Variants in TOM1L2 observed in about 807,000 individuals in gnomAD.
TOM1L2 encodes the protein target of myb1 like 2 membrane trafficking protein.
Under a neutral mutation model 67.9 loss-of-function variants are expected in TOM1L2, and 31 were observed. That is an observed-to-expected ratio of 0.46 (90% CI 0.34 to 0.62). The LOEUF is 0.62. Ranked by LOEUF, TOM1L2 falls within the 20% of genes least tolerant of loss-of-function variation. TOM1L2 has a pLI of 0.01. For missense variants in TOM1L2, 606 were observed against 663.5 expected (o/e 0.91, Z 0.95); for synonymous variants, 256 against 254.0 (o/e 1.01, Z -0.07).
chr17:17,900,814 G>C (rs1178581578), intron 2 of TOM1L2, among the ~76,000 whole-genome samples: 7 of 152,220 alleles, frequency 4.6e-5, no homozygotes, highest in African/African-American at 1.7e-4. Flanking sequence ...AAGGCTGTTT[G>C]TGGCATGAGA....
intron 12 of TOM1L2, chr17:17,857,916 A>G (rs2036334455): frequency 1.4e-6 from 2 of 1,440,374 alleles, no homozygotes; most frequent in Non-Finnish European, 1.9e-6. Context: ...ATATTGTGGA[A>G]ACAGAAAAGT....
At chr17:17,903,612 CAAAAAAA>C (rs111261278) in intron 2 of TOM1L2, among the ~76,000 whole-genome samples, 1 of 73,594 alleles carries the variant, frequency 1.4e-5, no homozygotes, top group East Asian at 4.8e-4. Flanking sequence ...GACTCCATCT[CAAAAAAA>C]AAAAAAAAAA....
At chr17:17,879,391 G>A (rs1426926779) in intron 7 of TOM1L2, among the ~76,000 whole-genome samples, 1 of 143,532 alleles carries the variant, frequency 7.0e-6, no homozygotes, top group African/African-American at 2.6e-5. Flanking sequence ...TTCTACAACT[G>A]GCATTTTATA....
intron 2 of TOM1L2, among the ~76,000 whole-genome samples, chr17:17,902,436 G>A (rs1025848042): frequency 2.6e-5 from 4 of 152,206 alleles, no homozygotes; most frequent in Non-Finnish European, 4.4e-5. Flanking sequence ...CAGTGGCTGC[G>A]GCCAGGTGAG....
chr17:17,850,393 G>A (rs2035892709), intron 13 of TOM1L2, among the ~76,000 whole-genome samples: 2 of 151,928 alleles, frequency 1.3e-5, no homozygotes, highest in Admixed American at 1.3e-4. Flanking sequence ...TTTGGGGCAG[G>A]GGTTCTTTTA....
intron 1 of TOM1L2, among the ~76,000 whole-genome samples, chr17:17,944,613 A>G (rs1014577911): frequency 6.6e-6 from 1 of 152,182 alleles, no homozygotes; most frequent in African/African-American, 2.4e-5. Context: ...ATTCTCCCCA[A>G]AGCACCAGGC....
chr17:17,908,489 C>T (rs192325904), intron 1 of TOM1L2, among the ~76,000 whole-genome samples: 1 of 152,232 alleles, frequency 6.6e-6, no homozygotes, highest in Non-Finnish European at 1.5e-5. Flanking sequence ...TCAAAGGACA[C>T]AACACAGTGA....
chr17:17,850,509 C>A (rs1427907677), intron 13 of TOM1L2, among the ~76,000 whole-genome samples: 30 of 149,482 alleles, frequency 2.0e-4, no homozygotes, highest in South Asian at 8.4e-4. Context: ...CAAAACAAAA[C>A]AAAACAAAAA....
At chr17:17,926,034 A>G (rs1377797349) in intron 1 of TOM1L2, among the ~76,000 whole-genome samples, 2 of 151,892 alleles carry the variant, frequency 1.3e-5, no homozygotes, top group Non-Finnish European at 2.9e-5. Flanking sequence ...AGCAGGGCTC[A>G]GTGGCACGCA....
chr17:17,910,552 TG>T (rs1190013780), intron 1 of TOM1L2, among the ~76,000 whole-genome samples: 1 of 151,908 alleles, frequency 6.6e-6, no homozygotes, highest in African/African-American at 2.4e-5. Context: ...TGGGATTCAG[TG>T]ATTATTACTA....
chr17:17,865,367 C>T (rs1157544119), intron 10 of TOM1L2, among the ~76,000 whole-genome samples: 2 of 152,148 alleles, frequency 1.3e-5, no homozygotes, highest in African/African-American at 2.4e-5. Flanking sequence ...ACCTATCTGC[C>T]CTCCTTGACC....
chr17:17,926,415 A>AG (rs971563025), intron 1 of TOM1L2, among the ~76,000 whole-genome samples: 52 of 152,160 alleles, frequency 3.4e-4, no homozygotes, highest in Non-Finnish European at 5.9e-5. Context: ...GACTGGCACA[A>AG]GGGGAGATGC....
intron 1 of TOM1L2, among the ~76,000 whole-genome samples, chr17:17,954,661 G>C (rs763310647): frequency 3.9e-5 from 6 of 152,128 alleles, no homozygotes; most frequent in Non-Finnish European, 8.8e-5. Flanking sequence ...GAAATTTTCT[G>C]GTAGAGTTGT....
chr17:17,958,274 C>T (rs2144988831), intron 1 of TOM1L2, among the ~76,000 whole-genome samples: 1 of 152,268 alleles, frequency 6.6e-6, no homozygotes, highest in South Asian at 2.1e-4. Flanking sequence ...AGCAAATCAG[C>T]AGCAGAGCAG....
At chr17:17,857,102 A>G (rs554342427) in intron 12 of TOM1L2, among the ~76,000 whole-genome samples, 1 of 152,192 alleles carries the variant, frequency 6.6e-6, no homozygotes, top group Admixed American at 6.5e-5. Context: ...TTACAGGCAC[A>G]TGCCACCACA....
intron 12 of TOM1L2, among the ~76,000 whole-genome samples, chr17:17,860,820 G>A (rs2036515253): frequency 6.6e-6 from 1 of 152,192 alleles, no homozygotes; most frequent in Admixed American, 6.5e-5. Flanking sequence ...AGAAAGCATG[G>A]TTATGTTTGG....
In TOM1L2 at chr17:17,845,593, G is replaced by A. The variant is rs1389537704; in HGVS notation, c.*2042C>T. On this transcript the variant is annotated 3_prime_UTR_variant, in exon 15 of 15. Transcript: ENST00000379504. ...AGGCTGCGGAGCACTGACTGCCCGA[G>A]GTCGGACCGCCCACCACCCGCAGGC... The A allele has an allele frequency of 1.3e-5, 2 of 152,248 alleles. No homozygotes were observed. The highest frequency in any genetic ancestry group is 6.5e-5 in the Admixed American group (1 of 15,286). The allele number at this position is 152,248 out of a possible 1,614,324, so 9.4% of individuals were successfully genotyped here.
chr17:17,914,906 A>G, intron 1 of TOM1L2, among the ~76,000 whole-genome samples: 3 of 152,372 alleles, frequency 2.0e-5, no homozygotes, highest in East Asian at 3.9e-4. Context: ...AGAGCAGTAA[A>G]TAAAACAATG....
intron 1 of TOM1L2, among the ~76,000 whole-genome samples, chr17:17,941,047 T>C (rs1327481521): frequency 6.6e-6 from 1 of 152,206 alleles, no homozygotes; most frequent in African/African-American, 2.4e-5. Context: ...CTTCTGAAGA[T>C]GGCTGTCCAG....
Sources: gnomAD v4.1 joint callset for allele counts (sites outside exome capture counted in the v4.1 genomes callset) on GRCh38, gnomAD v4.1.1 for gene constraint, MANE v1.5 for transcripts, NCBI Gene and HGNC (gene_info 2026-07-23, HGNC 2026-07-21) for gene names.